The following TJP2 variants were observed in gnomAD, a reference collection of about 807,000 sequenced individuals.
The protein encoded by TJP2 is tight junction protein 2.
A neutral mutation model predicts 133.1 loss-of-function variants in TJP2; 91 were observed. That is an observed-to-expected ratio of 0.68 (90% CI 0.58 to 0.81). The LOEUF (loss-of-function observed/expected upper bound fraction) is 0.81, where lower values mean the gene tolerates loss of function less well. Among genes scored for constraint, TJP2 ranks in the 40% least tolerant of loss-of-function variants. The pLI, the probability that TJP2 is intolerant of heterozygous loss-of-function variation, is 0.00. For synonymous variants in TJP2, 592 were observed against 583.4 expected, an observed-to-expected ratio of 1.01 and a Z score of -0.21; for missense variants, 1,541 against 1,565.6, an observed-to-expected ratio of 0.98 and a Z score of 0.26.
At chr9:69,246,649 T>C (rs1221737145) in intron 17 of TJP2, 41 bp from the exon 18 acceptor site, 2 of 1,536,730 alleles carry the variant, frequency 1.3e-6, no homozygotes, top group Non-Finnish European at 1.8e-6. Flanking sequence ...TAAACATGCC[T>C]CTGGAAATTA....
chr9:69,128,796 G>C (rs1034005571), intron 1 of TJP2, among the ~76,000 whole-genome samples: 9 of 152,196 alleles, frequency 5.9e-5, no homozygotes, highest in Non-Finnish European at 1.2e-4. Flanking sequence ...AAAGTCCTGG[G>C]ATTACAGGCG....
At chr9:69,225,194 A>G in intron 5 of TJP2, 110 bp from the exon 6 acceptor site, 2 of 729,316 alleles carry the variant, frequency 2.7e-6, no homozygotes, top group Non-Finnish European at 2.4e-6. Context: ...AGAATTTCCC[A>G]TATACAAAAT....
At chr9:69,121,481 C>G (rs984464133) in exon 1 of TJP2, 2 of 378,856 alleles carry the variant, frequency 5.3e-6, no homozygotes, top group African/African-American at 2.2e-5. Context: ...AACCTCTAAA[C>G]AGGAAATAGC....
chr9:69,249,758 A>C (rs1831196433), intron 20 of TJP2: 1 of 984,822 alleles, frequency 1.0e-6, no homozygotes, highest in Non-Finnish European at 1.2e-6. Flanking sequence ...AAAAGATTGT[A>C]AAGAAAAAGA....
At chr9:69,175,722 AC>A (rs1564403822) in intron 1 of TJP2, among the ~76,000 whole-genome samples, 1 of 152,186 alleles carries the variant, frequency 6.6e-6, no homozygotes, top group Non-Finnish European at 1.5e-5. Context: ...TGGACAGGGT[AC>A]TGGAGCTTCC....
In TJP2 at chr9:69,236,941, C is replaced by A. The variant is rs757460449; in HGVS notation, c.1992-8C>A. On this transcript the variant is annotated splice_region_variant and splice_polypyrimidine_tract_variant and intron_variant, in intron 13 of 22. Transcript: ENST00000377245. The stretch of plus-strand genomic sequence containing the variant: ...TTTAGAGATTTACTTCCCGTGGTTT[C>A]TTCTCAGAGCTGAACAAATGGCCAG... The A allele has an allele frequency of 1.2e-6, 2 of 1,614,174 alleles. No homozygotes were observed. The highest frequency in any genetic ancestry group is 1.1e-5 in the South Asian group (1 of 91,076).
chr9:69,205,143 C>G, intron 1 of TJP2: 2 of 1,536,996 alleles, frequency 1.3e-6, no homozygotes, highest in Non-Finnish European at 1.7e-6. Flanking sequence ...GTGGCCTGGC[C>G]CATGCATCTC....
intron 1 of TJP2, among the ~76,000 whole-genome samples, chr9:69,187,611 A>T (rs182311169): frequency 9.8e-5 from 15 of 152,316 alleles, no homozygotes; most frequent in Admixed American, 7.8e-4. Context: ...CCTCAATTAG[A>T]TACAGGCTTC....
At chr9:69,133,968 TC>T (rs75817909) in intron 1 of TJP2, among the ~76,000 whole-genome samples, 14 of 44,648 alleles carry the variant, frequency 3.1e-4, no homozygotes, top group Admixed American at 1.6e-3. Context: ...CTTTCTCTTT[TC>T]TCTCTTTCTC....
At chr9:69,196,946 T>TACACACACACACACACACACACAC (rs746386691) in intron 1 of TJP2, among the ~76,000 whole-genome samples, 62 of 134,232 alleles carry the variant, frequency 4.6e-4, no homozygotes, top group Middle Eastern at 3.9e-3. Context: ...TGTGTGTGTG[T>TACACACACACACACACACACACAC]ACACACACAC....
At position 69,221,341 on chromosome 9, in the gene TJP2, G is replaced by T; in HGVS notation, c.797G>T (p.Ser266Ile). 1 of 1,592,656 alleles carries T rather than the reference G, an allele frequency of 6.3e-7. No homozygotes were observed. The highest frequency in any genetic ancestry group is 8.5e-7 in the Non-Finnish European group (1 of 1,169,972). ...AYDPDYERAYSPEYRRGARHD... is the reference protein window; with the variant it reads ...AYDPDYERAYIPEYRRGARHD... ...GACCCAGACTACGAGCGGGCCTACA[G>T]CCCGGAGTACAGGCGCGGGGCCCGC... Residue 266 changes from serine to isoleucine, a missense_variant, in exon 5 of 23, where the codon AGC becomes ATC. Ser to Ile is a moderately radical substitution (Grantham distance 142). Coordinates refer to ENST00000377245, the MANE Select transcript of TJP2 (RefSeq NM_004817.4).
At position 69,226,176 on chromosome 9, in the gene TJP2, G is replaced by A. The variant is rs762476895; in HGVS notation, c.1210+1G>A. On this transcript the variant is annotated splice_donor_variant, in intron 7 of 22. Coordinates refer to ENST00000377245, the MANE Select transcript of TJP2 (RefSeq NM_004817.4). LOFTEE classifies it high-confidence loss of function. ...AATGACAGTGACTCAGAAATAGAAG[G>A]TAAAGGAAGAGGAGGCTGTGAGCTT... 1 of 1,614,028 alleles carries A rather than the reference G, an allele frequency of 6.2e-7. No homozygotes were observed. Among genetic ancestry groups the A allele is most frequent in the Non-Finnish European group, 8.5e-7 (1 of 1,179,992 alleles).
At chr9:69,139,088 A>C (rs746328448) in intron 1 of TJP2, among the ~76,000 whole-genome samples, 11 of 151,826 alleles carry the variant, frequency 7.2e-5, no homozygotes, top group Non-Finnish European at 1.6e-4. Flanking sequence ...GTGGTGGCTC[A>C]CACCTGTAAT....
chr9:69,130,158 G>T (rs894664135), intron 1 of TJP2, among the ~76,000 whole-genome samples: 1 of 152,124 alleles, frequency 6.6e-6, no homozygotes, highest in Non-Finnish European at 1.5e-5. Context: ...TGTAGCCACA[G>T]AGAATTTTCT....
intron 2 of TJP2, among the ~76,000 whole-genome samples, chr9:69,159,083 T>C (rs1001543855): frequency 3.3e-5 from 5 of 151,838 alleles, no homozygotes; most frequent in Admixed American, 6.6e-5. Flanking sequence ...GGTGGGCAGA[T>C]TGCTTGAGCT....
chr9:69,252,850 A>G lies in TJP2; in HGVS notation c.3357A>G (p.Ala1119=), dbSNP rs1831439803. ...CCCAGAAGCATCCTGATATCTATGCAGTTCCAATCAAAACGCACAAGCCAG... is the reference window on the plus strand; with the variant it reads ...CCCAGAAGCATCCTGATATCTATGCGGTTCCAATCAAAACGCACAAGCCAG... ...EIAQKHPDIY[A]VPIKTHKPDP... The change falls in exon 22 of 23, where the codon GCA becomes GCG. Residue 1119 remains alanine (A), a synonymous_variant. Coordinates refer to ENST00000377245, the MANE Select transcript of TJP2 (RefSeq NM_004817.4). 2 of 1,614,208 alleles carry G rather than the reference A, an allele frequency of 1.2e-6. No homozygotes were observed. The highest frequency in any genetic ancestry group is 1.7e-6 in the Non-Finnish European group (2 of 1,180,044).
intron 7 of TJP2, among the ~76,000 whole-genome samples, chr9:69,227,040 A>G (rs539136245): frequency 1.1e-4 from 16 of 152,354 alleles, no homozygotes; most frequent in African/African-American, 3.8e-4. Context: ...TAATCACAGT[A>G]TATTCTACTG....
At chr9:69,138,174 C>T (rs1443769787) in intron 1 of TJP2, among the ~76,000 whole-genome samples, 2 of 152,282 alleles carry the variant, frequency 1.3e-5, no homozygotes, top group South Asian at 4.1e-4. Flanking sequence ...GTTCCATACC[C>T]AGACCCTCCA....
At chr9:69,192,096 G>A (rs1470940073) in intron 1 of TJP2, among the ~76,000 whole-genome samples, 1 of 151,686 alleles carries the variant, frequency 6.6e-6, no homozygotes, top group Non-Finnish European at 1.5e-5. Context: ...GCTACAGTGG[G>A]GCTTATATTA....
Sources: allele counts gnomAD v4.1 joint callset (sites outside exome capture counted in the v4.1 genomes callset), GRCh38; gene constraint gnomAD v4.1.1; transcripts MANE v1.5; gene names NCBI Gene and HGNC (gene_info 2026-07-23, HGNC 2026-07-21).